Variants in NALF1 observed in about 807,000 individuals in gnomAD.
NALF1 encodes NALCN channel auxiliary factor 1, also known as family with sequence similarity 155 member A.
NALF1 carries 3 observed loss-of-function variants against 48.4 expected under a neutral mutation model. The ratio of observed to expected loss-of-function variants is 0.06; its 90% CI spans 0.03 to 0.16. The LOEUF (loss-of-function observed/expected upper bound fraction) is 0.16. Among genes scored for constraint, NALF1 ranks in the 10% least tolerant of loss-of-function variants. NALF1 has a pLI of 1.00. For missense variants in NALF1, 526 were observed against 571.5 expected (o/e 0.92, Z 0.81); for synonymous variants, 262 against 245.7 (o/e 1.07, Z -0.62).
chr13:107,296,372 T>C (rs182836024), intron 1 of NALF1, among the ~76,000 whole-genome samples: 1 of 152,200 alleles, frequency 6.6e-6, no homozygotes, highest in East Asian at 1.9e-4. Flanking sequence ...GTTCACAGCT[T>C]ATTTTTGTGG....
intron 1 of NALF1, among the ~76,000 whole-genome samples, chr13:107,780,093 GTGT>G (rs1201695988): frequency 1.4e-5 from 2 of 142,020 alleles, no homozygotes; most frequent in Admixed American, 7.1e-5. Flanking sequence ...TGTTGTGGTT[GTGT>G]TGTTGTTATT....
chr13:107,609,581 T>C (rs1217402055), intron 1 of NALF1, among the ~76,000 whole-genome samples: 1 of 152,170 alleles, frequency 6.6e-6, no homozygotes, highest in East Asian at 1.9e-4. Context: ...CCTACCTCAG[T>C]CTATGTGAGA....
intron 1 of NALF1, among the ~76,000 whole-genome samples, chr13:107,244,422 A>C (rs1336673350): frequency 6.6e-6 from 1 of 152,226 alleles, no homozygotes; most frequent in Non-Finnish European, 1.5e-5. Flanking sequence ...CAAGCATATT[A>C]TGAGTTGATT....
chr13:107,531,126 C>T (rs771870984), intron 1 of NALF1: 10 of 165,444 alleles, frequency 6.0e-5, no homozygotes, highest in East Asian at 1.9e-4. Context: ...ACATAGCTCT[C>T]CAGAAATAAA....
chr13:107,493,115 C>CA (rs1456360285), intron 1 of NALF1, among the ~76,000 whole-genome samples: 1 of 151,946 alleles, frequency 6.6e-6, no homozygotes, highest in Non-Finnish European at 1.5e-5. Context: ...CTGATATGCC[C>CA]AAAAAGATAT....
chr13:107,769,522 G>A (rs1220320908), intron 1 of NALF1, among the ~76,000 whole-genome samples: 11 of 124,018 alleles, frequency 8.9e-5, no homozygotes, highest in Admixed American at 2.0e-4. Flanking sequence ...GGGGAATATC[G>A]CACTCTGGGA....
chr13:107,862,400 T>G (rs1880595944), intron 1 of NALF1, among the ~76,000 whole-genome samples: 1 of 152,132 alleles, frequency 6.6e-6, no homozygotes, highest in Admixed American at 6.5e-5. Flanking sequence ...CTTAAAAATT[T>G]TGGTAGCTTT....
At chr13:107,412,930 G>A (rs991478991) in intron 1 of NALF1, among the ~76,000 whole-genome samples, 10 of 152,214 alleles carry the variant, frequency 6.6e-5, no homozygotes, top group Non-Finnish European at 1.3e-4. Flanking sequence ...GTAGAGTATT[G>A]CCTTGTTTTA....
At chr13:107,218,546 A>G (rs1456259889) in intron 1 of NALF1, among the ~76,000 whole-genome samples, 2 of 152,192 alleles carry the variant, frequency 1.3e-5, no homozygotes, top group African/African-American at 4.8e-5. Context: ...AGCCCCCAAC[A>G]TATTAAATCC....
intron 1 of NALF1, among the ~76,000 whole-genome samples, chr13:107,682,648 T>C (rs549076068): frequency 6.6e-6 from 1 of 152,262 alleles, no homozygotes; most frequent in African/African-American, 2.4e-5. Flanking sequence ...GGTACTCTTT[T>C]GAGTGAAGAT....
At chr13:107,536,328 A>G (rs1876810079) in intron 1 of NALF1, among the ~76,000 whole-genome samples, 1 of 152,196 alleles carries the variant, frequency 6.6e-6, no homozygotes, top group African/African-American at 2.4e-5. Flanking sequence ...CAACCTACTC[A>G]TCTGACAAAG....
rs867515692 is a variant in NALF1, at chr13:107,223,364, T to C, written c.916-12609A>G. On this transcript the variant is annotated intron_variant, in intron 1 of 2. Coordinates refer to ENST00000375915, the MANE Select transcript of NALF1 (RefSeq NM_001080396.3). ...CATTTTTTTTTGCAGTCATAAATGT[T>C]CCACCAACTTTTGTGGACAGCAGAA... Among the ~76,000 whole-genome samples the C allele has an allele frequency of 3.9e-5, 6 of 152,282 alleles. 1 individual carries two copies. In the Middle Eastern group the frequency reaches 0.014, roughly 345 times the overall value.
intron 1 of NALF1, among the ~76,000 whole-genome samples, chr13:107,361,162 T>C (rs1294055919): frequency 6.6e-6 from 1 of 152,180 alleles, no homozygotes; most frequent in African/African-American, 2.4e-5. Context: ...TCTATTACCA[T>C]AAATATGTGC....
chr13:107,773,810 A>G (rs1026092363), intron 1 of NALF1, among the ~76,000 whole-genome samples: 6 of 151,820 alleles, frequency 4.0e-5, no homozygotes, highest in African/African-American at 1.5e-4. Flanking sequence ...GCACACCAAC[A>G]TGGCACATGT....
chr13:107,307,763 G>T (rs979485022), intron 1 of NALF1, among the ~76,000 whole-genome samples: 3 of 151,510 alleles, frequency 2.0e-5, no homozygotes, highest in African/African-American at 7.3e-5. Flanking sequence ...CGGCACTAAA[G>T]ACAATTCACC....
At chr13:107,645,970 T>A (rs1468912593) in intron 1 of NALF1, among the ~76,000 whole-genome samples, 5 of 152,150 alleles carry the variant, frequency 3.3e-5, no homozygotes, top group Non-Finnish European at 5.9e-5. Flanking sequence ...ACCTGAGTTC[T>A]GGGAGTTCTT....
intron 1 of NALF1, among the ~76,000 whole-genome samples, chr13:107,240,330 T>C (rs1252090563): frequency 2.0e-5 from 3 of 152,192 alleles, no homozygotes; most frequent in Non-Finnish European, 2.9e-5. Flanking sequence ...AGAAGTAAGT[T>C]TCTGTTGATT....
chr13:107,682,478 C>T (rs1391964824), intron 1 of NALF1, among the ~76,000 whole-genome samples: 1 of 152,204 alleles, frequency 6.6e-6, no homozygotes, highest in African/African-American at 2.4e-5. Context: ...GTTCCCAACA[C>T]ACTGCCTATC....
chr13:107,336,222 G>A (rs569488646), intron 1 of NALF1, among the ~76,000 whole-genome samples: 1 of 151,998 alleles, frequency 6.6e-6, no homozygotes, highest in East Asian at 1.9e-4. Context: ...ACATGGTGGT[G>A]CATGCCTGTA....
Sources: allele counts gnomAD v4.1 joint callset (sites outside exome capture counted in the v4.1 genomes callset), GRCh38; gene constraint gnomAD v4.1.1; transcripts MANE v1.5; gene names NCBI Gene and HGNC (gene_info 2026-07-23, HGNC 2026-07-21).